Variants in MDGA1 observed in about 807,000 individuals in gnomAD.
MDGA1 encodes MAM domain-containing glycosylphosphatidylinositol anchor protein 1.
In MDGA1, 54 loss-of-function variants were observed where a neutral mutation model predicts 101.5. The observed-to-expected ratio is 0.53, with a 90% CI of 0.43 to 0.67. The LOEUF is 0.67. Ranked by LOEUF, MDGA1 falls within the 30% of genes least tolerant of loss-of-function variation. The pLI is 0.00. For missense variants in MDGA1, 1,083 were observed against 1,323.8 expected (o/e 0.82, Z 2.82); for synonymous variants, 533 against 558.3 (o/e 0.95, Z 0.64).
intron 7 of MDGA1, 43 bp from the exon 8 acceptor site, chr6:37,650,448 T>C (rs1302709828): frequency 6.8e-7 from 1 of 1,463,704 alleles, no homozygotes; most frequent in East Asian, 2.5e-5. Flanking sequence ...GGAGCGGAGT[T>C]AGAGCTCCCC....
chr6:37,674,442 T>A (rs1186195082), intron 1 of MDGA1, among the ~76,000 whole-genome samples: 1 of 152,222 alleles, frequency 6.6e-6, no homozygotes, highest in Non-Finnish European at 1.5e-5. Context: ...CTGGAGCTTC[T>A]GGGAGAGGCT....
intron 1 of MDGA1, among the ~76,000 whole-genome samples, chr6:37,690,772 CAAA>C (rs11388608): frequency 7.8e-5 from 10 of 128,184 alleles, no homozygotes; most frequent in African/African-American, 3.0e-4. Flanking sequence ...GACTCCACCT[CAAA>C]AAAAAAAAAA....
chr6:37,644,172 C>A (rs890008381), intron 13 of MDGA1, among the ~76,000 whole-genome samples: 1 of 151,196 alleles, frequency 6.6e-6, no homozygotes, highest in Non-Finnish European at 1.5e-5. Flanking sequence ...CCTCACCCCA[C>A]GCATCCTGCC....
chr6:37,688,108 T>A (rs3887743), intron 1 of MDGA1, among the ~76,000 whole-genome samples: 2 of 152,160 alleles, frequency 1.3e-5, no homozygotes, highest in African/African-American at 4.8e-5. Flanking sequence ...AAACTAAGCT[T>A]GGGCAGTAAC....
Position 37,686,810 on chromosome 6 carries a change from G to A in MDGA1, c.67+9935C>T, listed in dbSNP as rs537163341. 3.9e-5 allele frequency among the ~76,000 whole-genome samples: 6 copies of A among 152,302 alleles called. No homozygotes were observed. The East Asian group carries it at 1.2e-3, about 29-fold the overall frequency. On this transcript the variant is annotated intron_variant, in intron 1 of 16. Transcript: ENST00000434837. The stretch of plus-strand genomic sequence containing the variant: ...CACCACCATGAGAAGAGCAGAGCAC[G>A]AAGATGAAAGGAGCCTTGAGAACCT...
At chr6:37,663,850 C>G in intron 2 of MDGA1, 117 bp downstream of exon 2, 1 of 1,177,486 alleles carries the variant, frequency 8.5e-7, no homozygotes, top group South Asian at 1.5e-5. Flanking sequence ...CTCCTGTTCT[C>G]TGCCTCCATG....
At chr6:37,671,091 T>C (rs181033735) in intron 1 of MDGA1, among the ~76,000 whole-genome samples, 103 of 152,316 alleles carry the variant, frequency 6.8e-4, no homozygotes, top group African/African-American at 2.4e-3. Context: ...TCCTGATTTC[T>C]ATCAACAAAA....
intron 1 of MDGA1, among the ~76,000 whole-genome samples, chr6:37,684,142 G>A (rs1015828239): frequency 1.3e-5 from 2 of 152,220 alleles, no homozygotes; most frequent in African/African-American, 4.8e-5. Flanking sequence ...GGTATTCCCA[G>A]AGTAACCTTC....
chr6:37,639,550 G>A (rs1031503106), intron 14 of MDGA1: 12 of 152,218 alleles, frequency 7.9e-5, no homozygotes, highest in African/African-American at 2.9e-4. Context: ...CTGCCACTCG[G>A]GTCTAGCAAA....
rs1761466550 is a variant in MDGA1, at chr6:37,655,664, G to A, written c.579+36C>T. 2.0e-6 allele frequency: 3 copies of A among 1,521,734 alleles called. No individual in the cohort carries two copies. The highest frequency in any genetic ancestry group is 1.4e-5 in the African/African-American group (1 of 73,008). 94.3% of individuals were successfully genotyped at this position (1,521,734 alleles called of 1,614,324 possible). A position where few individuals can be genotyped will look rare whatever the true frequency, so the allele number is the denominator to read the frequency against. ...CCCCCCTCCCCTGTTGGATGCAGGAGAAGTGGTATGGGGCGAGCCAGCTGC... is the reference window on the plus strand; with the variant it reads ...CCCCCCTCCCCTGTTGGATGCAGGAAAAGTGGTATGGGGCGAGCCAGCTGC... On this transcript the variant is annotated intron_variant, in intron 4 of 16. Coordinates refer to ENST00000434837, the MANE Select transcript of MDGA1 (RefSeq NM_153487.4). The surrounding 1 kb of genome is among the most constrained non-coding windows in gnomAD (Gnocchi z 5.1).
chr6:37,645,509 C>G (rs1316431315), intron 12 of MDGA1, among the ~76,000 whole-genome samples: 1 of 151,826 alleles, frequency 6.6e-6, no homozygotes, highest in Non-Finnish European at 1.5e-5. Context: ...ACCCTCCAGC[C>G]TGGACAACAG....
intron 10 of MDGA1, among the ~76,000 whole-genome samples, chr6:37,646,806 GT>G (rs1761211305): frequency 1.3e-5 from 2 of 152,110 alleles, no homozygotes; most frequent in African/African-American, 4.8e-5. Context: ...GCTTTGCATG[GT>G]GGAGACCCCC....
At chr6:37,646,493 AATG>A in intron 10 of MDGA1, 118 bp from the exon 11 acceptor site, 1 of 769,076 alleles carries the variant, frequency 1.3e-6, no homozygotes, top group Non-Finnish European at 1.9e-6. Flanking sequence ...TCATAATAAA[AATG>A]ATGACAGCAA....
chr6:37,685,707 G>A (rs12154114), intron 1 of MDGA1, among the ~76,000 whole-genome samples: 9,717 of 152,266 alleles, frequency 0.064, 366 homozygotes, highest in Middle Eastern at 0.12. Context: ...CATGTGAACC[G>A]ACAGTGTCGG....
intron 2 of MDGA1, among the ~76,000 whole-genome samples, chr6:37,661,224 A>C (rs1182662677): frequency 6.6e-6 from 1 of 152,216 alleles, no homozygotes; most frequent in African/African-American, 2.4e-5. Flanking sequence ...TGTGTGTGTT[A>C]ATACAACTAT....
At chr6:37,644,114 G>A (rs369048638) in intron 13 of MDGA1, among the ~76,000 whole-genome samples, 171 bp from the exon 14 acceptor site, 17 of 29,512 alleles carry the variant, frequency 5.8e-4, no homozygotes, top group Admixed American at 2.1e-3. Flanking sequence ...CTCACCCCAC[G>A]CATCCTGCCT....
chr6:37,660,583 T>C (rs1012901455), intron 2 of MDGA1, among the ~76,000 whole-genome samples: 25 of 152,204 alleles, frequency 1.6e-4, no homozygotes, highest in Non-Finnish European at 3.4e-4. Context: ...TTCTAGGATT[T>C]CTGTTTGCTA....
intron 2 of MDGA1, among the ~76,000 whole-genome samples, chr6:37,659,841 G>T (rs781659261): frequency 5.3e-5 from 8 of 152,118 alleles, no homozygotes; most frequent in Non-Finnish European, 1.2e-4. Context: ...AGACATACCA[G>T]ATCAGAGAGT....
In MDGA1 at chr6:37,635,959, G is replaced by C; in HGVS notation, c.*1409C>G. 1 of 389,170 alleles carries C rather than the reference G, an allele frequency of 2.6e-6. No individual in the cohort carries two copies. Among genetic ancestry groups the C allele is most frequent in the Non-Finnish European group, 4.5e-6 (1 of 220,176 alleles). The allele number at this position is 389,170 out of a possible 1,614,324, so 24.1% of individuals were successfully genotyped here. A position where few individuals can be genotyped will look rare whatever the true frequency, so the allele number is the denominator to read the frequency against. ...TCCAGTCTCACAGGCAGATATGTGA[G>C]ATTGCACACACAGACCTGTGTTTGC... On this transcript the variant is annotated 3_prime_UTR_variant, in exon 17 of 17. Coordinates refer to ENST00000434837, the MANE Select transcript of MDGA1 (RefSeq NM_153487.4).
Sources: gnomAD v4.1 joint callset for allele counts (sites outside exome capture counted in the v4.1 genomes callset) on GRCh38, gnomAD v4.1.1 for gene constraint, Gnocchi (gnomAD v3.1) non-coding constraint, MANE v1.5 for transcripts, NCBI Gene and HGNC (gene_info 2026-07-23, HGNC 2026-07-21) for gene names.